The following CAND1 variants were observed in gnomAD, a reference collection of about 807,000 sequenced individuals.
The protein encoded by CAND1 is cullin-associated NEDD8-dissociated protein 1.
In CAND1, 7 loss-of-function variants were observed where a neutral mutation model predicts 108.5. The observed-to-expected ratio is 0.06, with a 90% CI of 0.04 to 0.12. CAND1 has a LOEUF of 0.12. Ranked by LOEUF, CAND1 falls within the 10% of genes least tolerant of loss-of-function variation. The probability of loss-of-function intolerance (pLI) is 1.00; values close to 1 mark genes in which losing one functional copy is unlikely to be tolerated. For missense variants in CAND1, 941 were observed against 1,448.7 expected, an observed-to-expected ratio of 0.65 and a Z score of 5.69; for synonymous variants, 534 against 512.0, an observed-to-expected ratio of 1.04 and a Z score of -0.58.
chr12:67,297,654 C>A lies in CAND1; in HGVS notation c.739C>A (p.His247Asn). ...CIAAISRQAG[H>N]RIGEYLEKII... The stretch of plus-strand genomic sequence containing the variant: ...TGCTGCTATTAGTAGGCAAGCTGGT[C>A]ATAGAATAGGTAAGAAATCTTTAAA... Residue 247 changes from histidine (H) to asparagine (N), a missense_variant, in exon 5 of 15, where the codon CAT becomes AAT. Around this residue, in one of 9 missense-constraint regions of CAND1, gnomAD observed 697 missense variants for 942.0 expected, o/e 0.74. Coordinates refer to ENST00000545606, the MANE Select transcript of CAND1 (RefSeq NM_018448.5). 3 of 1,611,162 alleles carry A rather than the reference C, an allele frequency of 1.9e-6. No individual in the cohort carries two copies. The South Asian group carries it at 3.3e-5, about 18-fold the overall frequency.
rs557106057 is a variant in CAND1 at position 67,269,643 on chromosome 12, T to TGGCGGCGGCGGCGGCGGCGGCGGCGGC, written c.-57_-56insGGCGGCGGCGGCGGCGGCGGCGGCGGC. ...CCGCGAGCGAGAGGAGGAGCTCCAG[T>TGGCGGCGGCGGCGGCGGCGGCGGCGGC]GGCGGCGGCGGCGGCGGCAGCGGCA... On this transcript the variant is annotated 5_prime_UTR_variant, in exon 1 of 15. Coordinates refer to ENST00000545606, the MANE Select transcript of CAND1 (RefSeq NM_018448.5). The TGGCGGCGGCGGCGGCGGCGGCGGCGGC allele has an allele frequency of 5.3e-6, 7 of 1,315,760 alleles. No individual in the cohort carries two copies. In the African/African-American group the frequency reaches 1.1e-4, roughly 20 times the overall value. 81.5% of individuals were successfully genotyped at this position (1,315,760 alleles called of 1,614,324 possible).
At chr12:67,280,376 C>A (rs1279111322) in intron 1 of CAND1, among the ~76,000 whole-genome samples, 1 of 152,166 alleles carries the variant, frequency 6.6e-6, no homozygotes, top group Non-Finnish European at 1.5e-5. Flanking sequence ...TTTTGCCAAC[C>A]TTTACCACAC....
intron 4 of CAND1, chr12:67,297,153 C>G: frequency 3.8e-6 from 2 of 528,158 alleles, no homozygotes; most frequent in Non-Finnish European, 6.8e-6. Context: ...ATTAGATATC[C>G]TATAATTGGG....
In CAND1 at chr12:67,309,987, C is replaced by T. The variant is rs779199727; in HGVS notation, c.3112C>T (p.Pro1038Ser). ...ATTTAATTCAGCAGCACATAACAAGCCATCATTAATAAGGGATCTATTGGA... is the reference window on the plus strand; with the variant it reads ...ATTTAATTCAGCAGCACATAACAAGTCATCATTAATAAGGGATCTATTGGA... ...VTFNSAAHNK[P>S]SLIRDLLDTV... Residue 1038 changes from proline (P) to serine (S), a missense_variant, in exon 12 of 15, where the codon CCA (proline) becomes TCA (serine). Coordinates refer to ENST00000545606, the MANE Select transcript of CAND1 (RefSeq NM_018448.5). 1.2e-6 allele frequency: 2 copies of T among 1,611,508 alleles called. No individual in the cohort carries two copies. Among genetic ancestry groups the T allele is most frequent in the East Asian group, 2.2e-5 (1 of 44,800 alleles).
intron 6 of CAND1, 49 bp downstream of exon 6, chr12:67,297,902 T>A: frequency 9.0e-7 from 1 of 1,116,294 alleles, no homozygotes; most frequent in Non-Finnish European, 1.3e-6. Context: ...TCCTTAAGAG[T>A]AGAATCATAA....
chr12:67,304,329 T>C (rs913118828), intron 8 of CAND1, among the ~76,000 whole-genome samples: 1 of 152,116 alleles, frequency 6.6e-6, no homozygotes, highest in African/African-American at 2.4e-5. Context: ...CAATTAAAAA[T>C]TAAGTAGGGA....
In CAND1 at chr12:67,282,191, A is replaced by T. The variant is rs1172924659; in HGVS notation, c.212+138A>T. 3.3e-5 allele frequency: 27 copies of T among 807,154 alleles called. 1 individual carries two copies. In the Middle Eastern group the frequency reaches 7.9e-4, roughly 24 times the overall value. 50.0% of individuals were successfully genotyped at this position (807,154 alleles called of 1,614,324 possible). On this transcript the variant is annotated intron_variant, in intron 2 of 14. Transcript: ENST00000545606. The stretch of plus-strand genomic sequence containing the variant: ...GTGTGTGTAGAATTTTTAGGTGACT[A>T]ATGTTTAGTGTTTGTATATGGTATA...
At chr12:67,287,857 A>ATTTTTTTTTTTTTTTTTTTTTTTGTT (rs34177330) in intron 2 of CAND1, among the ~76,000 whole-genome samples, 1 of 112,588 alleles carries the variant, frequency 8.9e-6, no homozygotes, top group Non-Finnish European at 1.8e-5. Flanking sequence ...TTTTGATGTG[A>ATTTTTTTTTTTTTTTTTTTTTTTGTT]TTTTTTTTTT....
At chr12:67,308,415 G>A (rs934960628) in intron 11 of CAND1, among the ~76,000 whole-genome samples, 1 of 152,066 alleles carries the variant, frequency 6.6e-6, no homozygotes, top group Non-Finnish European at 1.5e-5. Flanking sequence ...TTTCTGCTTT[G>A]ATATGTTTAT....
chr12:67,270,114 A>G, intron 1 of CAND1: 2 of 285,450 alleles, frequency 7.0e-6, no homozygotes, highest in South Asian at 1.1e-4. Context: ...TAAACCACCC[A>G]CCATTGTGGA....
intron 2 of CAND1, among the ~76,000 whole-genome samples, chr12:67,286,499 G>A (rs1483130138): frequency 6.7e-6 from 1 of 150,026 alleles, no homozygotes; most frequent in Non-Finnish European, 1.5e-5. Context: ...TGTAAGTGTG[G>A]TTTTAATTTC....
chr12:67,294,930 A>G lies in CAND1; in HGVS notation c.368-103A>G, dbSNP rs2044754991. The G allele has an allele frequency of 4.9e-6, 6 of 1,212,786 alleles. No individual in the cohort carries two copies. The South Asian group carries it at 5.9e-5, about 12-fold the overall frequency. 75.1% of individuals were successfully genotyped at this position (1,212,786 alleles called of 1,614,324 possible). On this transcript the variant is annotated intron_variant, in intron 3 of 14. Transcript: ENST00000545606. Reference sequence around the variant, plus strand: ...TTCTGCCCTGGATCTGTTGTGTCTCATGATCAAGTGTGGAGTTGTTAAATA... The same window carrying G: ...TTCTGCCCTGGATCTGTTGTGTCTCGTGATCAAGTGTGGAGTTGTTAAATA...
At position 67,269,480 on chromosome 12, in the gene CAND1, C is replaced by T; in HGVS notation, c.-238C>T. On this transcript the variant is annotated 5_prime_UTR_variant, in exon 1 of 15. It introduces an in-frame stop codon into an upstream open reading frame of the 5' UTR. Coordinates refer to ENST00000545606, the MANE Select transcript of CAND1 (RefSeq NM_018448.5). ...GCCCATGAGCTCGTTCTCACGCGAA[C>T]AGCGCCGTCGTTAGGCTGGCTCTGT... 1.9e-6 allele frequency: 1 copy of T among 518,276 alleles called. No homozygotes were observed. The allele number at this position is 518,276 out of a possible 1,614,324, so 32.1% of individuals were successfully genotyped here.
At chr12:67,311,904 G>C (rs1047960094) in intron 14 of CAND1, 104 bp downstream of exon 14, 1 of 663,480 alleles carries the variant, frequency 1.5e-6, no homozygotes, top group African/African-American at 1.8e-5. Flanking sequence ...AGTGCTCTGT[G>C]TAGCAGTTGG....
At chr12:67,304,837 AAT>A in intron 9 of CAND1, 91 bp downstream of exon 9, 2 of 1,443,638 alleles carry the variant, frequency 1.4e-6, no homozygotes, top group Non-Finnish European at 1.9e-6. Flanking sequence ...CTTTTAAAGG[AAT>A]ATATGTGACA....
Position 67,319,400 on chromosome 12 carries a change from C to CT in CAND1, c.*6572dup, listed in dbSNP as rs1281007839. On this transcript the variant is annotated 3_prime_UTR_variant, in exon 15 of 15. Coordinates refer to ENST00000545606, the MANE Select transcript of CAND1 (RefSeq NM_018448.5). Reference sequence around the variant, plus strand: ...ATGACTTGACTTCTCTTTTGTTTTACTTAGCTGGCTGCTTTTCATCTTGTA... The same window carrying CT: ...ATGACTTGACTTCTCTTTTGTTTTACTTTAGCTGGCTGCTTTTCATCTTGTA... 1.3e-5 allele frequency: 2 copies of CT among 152,348 alleles called. No individual in the cohort carries two copies. Among genetic ancestry groups the CT allele is most frequent in the Non-Finnish European group, 2.9e-5 (2 of 68,056 alleles). 9.4% of individuals were successfully genotyped at this position (152,348 alleles called of 1,614,324 possible). A position where few individuals can be genotyped will look rare whatever the true frequency, so the allele number is the denominator to read the frequency against.
rs990246743 is a variant in CAND1 at position 67,313,778 on chromosome 12, T to C, written c.*948T>C. On this transcript the variant is annotated 3_prime_UTR_variant, in exon 15 of 15. Transcript: ENST00000545606. Reference sequence around the variant, plus strand: ...AGATTTTTCTTTCATTCCGTTTGGATGTCTACATTCCTTATCAAAGGATAT... The same window carrying C: ...AGATTTTTCTTTCATTCCGTTTGGACGTCTACATTCCTTATCAAAGGATAT... 3 of 152,636 alleles carry C rather than the reference T, an allele frequency of 2.0e-5. No individual in the cohort carries two copies. The highest frequency in any genetic ancestry group is 2.9e-5 in the Non-Finnish European group (2 of 68,020). The allele number at this position is 152,636 out of a possible 1,614,324, so 9.5% of individuals were successfully genotyped here.
rs551082129 is a variant in CAND1 at position 67,319,647 on chromosome 12, A to G, written c.*6817A>G. On this transcript the variant is annotated 3_prime_UTR_variant, in exon 15 of 15. Coordinates refer to ENST00000545606, the MANE Select transcript of CAND1 (RefSeq NM_018448.5). The stretch of plus-strand genomic sequence containing the variant: ...GTTACTGAGGGTATGGGAAGGGCCG[A>G]CTAGTCCAGCTGTTCACAAACAGCC... The G allele has an allele frequency of 6.6e-6, 1 of 152,336 alleles. No individual in the cohort carries two copies. The highest frequency in any genetic ancestry group is 6.5e-5 in the Admixed American group (1 of 15,294). The allele number at this position is 152,336 out of a possible 1,614,324, so 9.4% of individuals were successfully genotyped here.
At chr12:67,296,559 T>G (rs1008137195) in intron 4 of CAND1, among the ~76,000 whole-genome samples, 1 of 151,934 alleles carries the variant, frequency 6.6e-6, no homozygotes, top group Non-Finnish European at 1.5e-5. Context: ...CTCAGCTTCC[T>G]GAGTAGCTGG....
Sources: allele counts gnomAD v4.1 joint callset (sites outside exome capture counted in the v4.1 genomes callset), GRCh38; gene constraint gnomAD v4.1.1; regional missense constraint gnomAD v4.1.1; transcripts MANE v1.5; gene names NCBI Gene and HGNC (gene_info 2026-07-23, HGNC 2026-07-21).